GSK3B: variants seen among roughly 807,000 people sequenced by gnomAD.
GSK3B encodes glycogen synthase kinase 3 beta, also known as glycogen synthase kinase-3 beta.
In GSK3B, 15 loss-of-function variants were observed where a neutral mutation model predicts 56.4. The ratio of observed to expected loss-of-function variants is 0.27; its 90% confidence interval spans 0.18 to 0.41. The LOEUF (loss-of-function observed/expected upper bound fraction) is 0.41. Ranked by LOEUF, GSK3B falls within the 10% of genes least tolerant of loss-of-function variation. The pLI is 1.00. For synonymous variants in GSK3B, 181 were observed against 188.9 expected (o/e 0.96, Z 0.34); for missense variants, 300 against 513.4 (o/e 0.58, Z 4.02).
At chr3:119,901,510 A>C (rs1351940515) in intron 7 of GSK3B, among the ~76,000 whole-genome samples, 2 of 152,200 alleles carry the variant, frequency 1.3e-5, no homozygotes, top group Non-Finnish European at 2.9e-5. Flanking sequence ...CAAAAACCTT[A>C]TTAGAGGGCA....
chr3:119,978,753 T>C (rs1447879611), intron 2 of GSK3B, among the ~76,000 whole-genome samples: 9 of 152,110 alleles, frequency 5.9e-5, no homozygotes, highest in Admixed American at 5.9e-4. Flanking sequence ...CATCCAACAT[T>C]GGACACTAAT....
chr3:119,982,947 C>A (rs1423265330), intron 2 of GSK3B, among the ~76,000 whole-genome samples: 1 of 152,134 alleles, frequency 6.6e-6, no homozygotes, highest in Non-Finnish European at 1.5e-5. Flanking sequence ...CTGTTAAGGG[C>A]AGCCATAGAG....
In GSK3B at chr3:119,824,546, C is replaced by T. The variant is rs2055471026; in HGVS notation, c.*2242G>A. ...TGGATCTGAATGCAGGTCCATTTCT[C>T]TATCACAGACCTGCCTTTTCAGATT... On this transcript the variant is annotated 3_prime_UTR_variant, in exon 11 of 11. Transcript: ENST00000264235. The T allele has an allele frequency of 4.7e-6, 1 of 212,908 alleles. No individual in the cohort carries two copies. The highest frequency in any genetic ancestry group is 9.5e-6 in the Non-Finnish European group (1 of 105,196). 13.2% of individuals were successfully genotyped at this position (212,908 alleles called of 1,614,324 possible). A position where few individuals can be genotyped will look rare whatever the true frequency, so the allele number is the denominator to read the frequency against.
intron 1 of GSK3B, among the ~76,000 whole-genome samples, chr3:120,087,988 G>T (rs764738845): frequency 2.0e-5 from 3 of 152,118 alleles, no homozygotes; most frequent in Non-Finnish European, 4.4e-5. Context: ...CGCCTCATGG[G>T]TTCAAACGAT....
At chr3:119,888,577 G>T (rs971195440) in intron 7 of GSK3B, among the ~76,000 whole-genome samples, 3 of 152,086 alleles carry the variant, frequency 2.0e-5, no homozygotes, top group Non-Finnish European at 4.4e-5. Context: ...TGACTGTAAA[G>T]CACGTGTGTT....
At chr3:120,039,303 A>T (rs1372974144) in intron 1 of GSK3B, among the ~76,000 whole-genome samples, 1 of 152,212 alleles carries the variant, frequency 6.6e-6, no homozygotes, top group East Asian at 1.9e-4. Context: ...GCAAAGCTAA[A>T]TGTAGTCTTA....
chr3:119,859,614 T>C (rs1479973981), intron 9 of GSK3B, among the ~76,000 whole-genome samples: 4 of 152,184 alleles, frequency 2.6e-5, no homozygotes, highest in African/African-American at 7.2e-5. Context: ...CACATTCTTA[T>C]ACTCTTTCAA....
intron 2 of GSK3B, among the ~76,000 whole-genome samples, chr3:119,949,671 G>A (rs1392588839): frequency 6.6e-6 from 1 of 151,760 alleles, no homozygotes; most frequent in Non-Finnish European, 1.5e-5. Flanking sequence ...GTTTTGACCA[G>A]GAAAGTGATA....
At chr3:119,892,954 T>C (rs771882206) in intron 7 of GSK3B, among the ~76,000 whole-genome samples, 1 of 152,154 alleles carries the variant, frequency 6.6e-6, no homozygotes, top group Non-Finnish European at 1.5e-5. Context: ...TTTTCACTTA[T>C]AGAGGACTGA....
rs2055441882 is a variant in GSK3B, at chr3:119,823,265, T to C, written c.*3523A>G. ...ACAGTAAGAATTAAACTGATTTTTT[T>C]TAAAAGAAATTAAAATGATATTTCA... On this transcript the variant is annotated 3_prime_UTR_variant, in exon 11 of 11. Coordinates refer to ENST00000264235, the MANE Select transcript of GSK3B (RefSeq NM_001146156.2). 1 of 218,822 alleles carries C rather than the reference T, an allele frequency of 4.6e-6. No individual in the cohort carries two copies. Among genetic ancestry groups the C allele is most frequent in the Non-Finnish European group, 9.2e-6 (1 of 108,924 alleles). 13.6% of individuals were successfully genotyped at this position (218,822 alleles called of 1,614,324 possible).
intron 2 of GSK3B, among the ~76,000 whole-genome samples, chr3:119,952,569 T>A (rs1422845328): frequency 1.4e-5 from 2 of 142,754 alleles, no homozygotes; most frequent in African/African-American, 5.2e-5. Flanking sequence ...GGGATCAACA[T>A]CTAAGCATTT....
chr3:120,031,885 A>C (rs1380635319), intron 1 of GSK3B, among the ~76,000 whole-genome samples: 2 of 152,228 alleles, frequency 1.3e-5, no homozygotes, highest in East Asian at 3.8e-4. Context: ...CAGTAAATAA[A>C]AGAATGAGCA....
At chr3:119,882,916 T>C (rs1374991524) in intron 7 of GSK3B, among the ~76,000 whole-genome samples, 3 of 152,300 alleles carry the variant, frequency 2.0e-5, no homozygotes, top group Middle Eastern at 3.4e-3. Flanking sequence ...CTTCAAAATA[T>C]AGTTATCAGT....
At chr3:119,847,268 C>A (rs780626073) in intron 9 of GSK3B, among the ~76,000 whole-genome samples, 3 of 151,826 alleles carry the variant, frequency 2.0e-5, no homozygotes, top group Non-Finnish European at 4.4e-5. Flanking sequence ...CCACATGTAT[C>A]CCAGAACTTA....
At chr3:119,879,043 A>G (rs1207611156) in intron 7 of GSK3B, among the ~76,000 whole-genome samples, 1 of 152,234 alleles carries the variant, frequency 6.6e-6, no homozygotes, top group Non-Finnish European at 1.5e-5. Context: ...GTTTTAAAAA[A>G]TATTTATTTT....
intron 2 of GSK3B, among the ~76,000 whole-genome samples, chr3:119,955,184 T>C (rs966884688): frequency 6.6e-6 from 1 of 151,046 alleles, no homozygotes; most frequent in Admixed American, 6.6e-5. Flanking sequence ...AATTCATCTC[T>C]AAATCTTTGA....
At chr3:119,911,284 C>T (rs934485164) in intron 6 of GSK3B, among the ~76,000 whole-genome samples, 6 of 152,200 alleles carry the variant, frequency 3.9e-5, no homozygotes, top group African/African-American at 1.4e-4. Context: ...TAGTAGGTCT[C>T]AGCAGTGGGC....
At chr3:119,860,919 T>C (rs1158920486) in intron 9 of GSK3B, among the ~76,000 whole-genome samples, 1 of 152,138 alleles carries the variant, frequency 6.6e-6, no homozygotes, top group African/African-American at 2.4e-5. Context: ...GAGGAGGGCT[T>C]TATGCTGCCT....
At chr3:119,869,565 A>G (rs984118237) in intron 8 of GSK3B, among the ~76,000 whole-genome samples, 15 of 152,252 alleles carry the variant, frequency 9.9e-5, no homozygotes, top group African/African-American at 3.6e-4. Flanking sequence ...CAAATCTAAC[A>G]TCCAGTGAAT....
Sources: allele counts gnomAD v4.1 joint callset (sites outside exome capture counted in the v4.1 genomes callset), GRCh38; gene constraint gnomAD v4.1.1; transcripts MANE v1.5; gene names NCBI Gene and HGNC (gene_info 2026-07-23, HGNC 2026-07-21).